Variants in RPGRIP1 observed in about 807,000 individuals in gnomAD.
RPGRIP1 encodes RPGR interacting protein 1.
A neutral mutation model predicts 157.9 loss-of-function variants in RPGRIP1; 128 were observed. The observed-to-expected ratio is 0.81, with a 90% CI of 0.70 to 0.94. The LOEUF is 0.94. RPGRIP1 is among the 40% of genes least tolerant of loss of function. The pLI is 0.00. For synonymous variants in RPGRIP1, 554 were observed against 571.6 expected (o/e 0.97, Z 0.44); for missense variants, 1,486 against 1,545.8 (o/e 0.96, Z 0.65).
intron 11 of RPGRIP1, among the ~76,000 whole-genome samples, chr14:21,319,738 G>A (rs995994229): frequency 6.6e-6 from 1 of 152,134 alleles, no homozygotes; most frequent in Non-Finnish European, 1.5e-5. Flanking sequence ...GATTACCCTA[G>A]TCAAGTGATT....
chr14:21,319,924 C>G, intron 11 of RPGRIP1, 93 bp from the exon 12 acceptor site: 1 of 1,175,728 alleles, frequency 8.5e-7, no homozygotes, highest in Non-Finnish European at 1.2e-6. Flanking sequence ...TTAATTAAAC[C>G]TTAGTGGGAA....
intron 15 of RPGRIP1, 51 bp from the exon 16 acceptor site, chr14:21,325,181 C>A: frequency 6.4e-7 from 1 of 1,554,328 alleles, no homozygotes; most frequent in Non-Finnish European, 8.7e-7. Flanking sequence ...TGTTCTTGAT[C>A]CTTGCCACAC....
At chr14:21,313,897 G>A (rs1415778163) in intron 10 of RPGRIP1, among the ~76,000 whole-genome samples, 5 of 151,084 alleles carry the variant, frequency 3.3e-5, no homozygotes, top group African/African-American at 1.2e-4. Context: ...AACCTTTGAT[G>A]AGATAAGAGG....
chr14:21,294,069 A>AAG (rs1555364764), intron 2 of RPGRIP1, among the ~76,000 whole-genome samples: 13 of 149,814 alleles, frequency 8.7e-5, no homozygotes, highest in East Asian at 5.8e-4. Context: ...AAAAAAAAAA[A>AAG]AAGAAGAAGA....
intron 23 of RPGRIP1, among the ~76,000 whole-genome samples, chr14:21,347,210 A>G (rs1196435880): frequency 6.6e-6 from 1 of 152,224 alleles, no homozygotes; most frequent in Non-Finnish European, 1.5e-5. Flanking sequence ...AGGCTTTGTA[A>G]TCAGACCAAC....
At chr14:21,349,362 G>A (rs535943983) in intron 24 of RPGRIP1, among the ~76,000 whole-genome samples, 9 of 147,486 alleles carry the variant, frequency 6.1e-5, no homozygotes, top group African/African-American at 1.3e-4. Flanking sequence ...AAACCACTGC[G>A]CCCGGCCTCC....
Position 21,290,399 on chromosome 14 carries a change from C to G in RPGRIP1, c.85+2338C>G, listed in dbSNP as rs116776074. 4.1e-3 allele frequency among the ~76,000 whole-genome samples: 630 copies of G among 152,256 alleles called. 3 individuals are homozygous for G. Among genetic ancestry groups the G allele is most frequent in the African/African-American group, 0.015 (612 of 41,554 alleles). On this transcript the variant is annotated intron_variant, in intron 2 of 24. Transcript: ENST00000400017. ...AAAAATATATTCTTTCTTGGCTGGG[C>G]AAAGTGGTTCACGCCTGTAATCCCA... is the stretch of plus-strand genomic sequence containing the variant.
chr14:21,289,723 C>G lies in RPGRIP1; in HGVS notation c.85+1662C>G, dbSNP rs1406615048. ...TGAGTATAAAATTGGCAGAAATTGC[C>G]TGGGCATAGTGGCTCACGCCTGTAA... is the stretch of plus-strand genomic sequence containing the variant. On this transcript the variant is annotated intron_variant, in intron 2 of 24. Coordinates refer to ENST00000400017, the MANE Select transcript of RPGRIP1 (RefSeq NM_020366.4). 5.3e-5 allele frequency among the ~76,000 whole-genome samples: 8 copies of G among 152,226 alleles called. No homozygotes were observed. In the East Asian group the frequency reaches 1.6e-3, roughly 30 times the overall value.
At chr14:21,307,345 T>A (rs1291434437) in intron 6 of RPGRIP1, among the ~76,000 whole-genome samples, 2 of 152,220 alleles carry the variant, frequency 1.3e-5, no homozygotes, top group Non-Finnish European at 2.9e-5. Flanking sequence ...TGAGCCACGG[T>A]GCCTGGTTCA....
At chr14:21,319,289 T>A (rs1368570138) in intron 11 of RPGRIP1, among the ~76,000 whole-genome samples, 1 of 152,114 alleles carries the variant, frequency 6.6e-6, no homozygotes, top group East Asian at 1.9e-4. Flanking sequence ...CAGCCTGGTG[T>A]GGTGGCTCAT....
At chr14:21,306,845 G>A (rs377665829) in intron 6 of RPGRIP1, among the ~76,000 whole-genome samples, 3 of 138,544 alleles carry the variant, frequency 2.2e-5, no homozygotes, top group Non-Finnish European at 1.6e-5. Flanking sequence ...GTGCAATCTC[G>A]GCTCACTGCA....
In RPGRIP1 at chr14:21,327,720, G is replaced by A; in HGVS notation, c.2808G>A (p.Leu936=). The part of the protein sequence containing the change: ...KFPYIPPESF[L]KPEAQTKGKD... ...CCTACATACCCCCTGAGAGCTTCCT[G>A]AAACCAGAAGCTCAGACTAAGGGGA... The change falls in exon 18 of 25, where the codon CTG becomes CTA. Residue 936 remains leucine (L), a synonymous_variant. Transcript: ENST00000400017. 2 of 1,613,928 alleles carry A rather than the reference G, an allele frequency of 1.2e-6. No individual in the cohort carries two copies. The highest frequency in any genetic ancestry group is 1.7e-6 in the Non-Finnish European group (2 of 1,179,858).
chr14:21,347,307 T>G (rs532071715), intron 23 of RPGRIP1, among the ~76,000 whole-genome samples: 1 of 152,368 alleles, frequency 6.6e-6, no homozygotes, highest in South Asian at 2.1e-4. Flanking sequence ...AGAATAAAAT[T>G]GAGCTAATAT....
chr14:21,317,143 A>G (rs1013454240), intron 10 of RPGRIP1, among the ~76,000 whole-genome samples: 1 of 152,104 alleles, frequency 6.6e-6, no homozygotes, highest in Non-Finnish European at 1.5e-5. Context: ...AAAAGAAAAA[A>G]AAAGGAACCA....
chr14:21,325,554 G>A (rs1882990311), intron 16 of RPGRIP1, among the ~76,000 whole-genome samples, 171 bp downstream of exon 16: 1 of 152,254 alleles, frequency 6.6e-6, no homozygotes, highest in Non-Finnish European at 1.5e-5. Flanking sequence ...AGTCTGAAAT[G>A]AAAGTATGCC....
intron 2 of RPGRIP1, among the ~76,000 whole-genome samples, chr14:21,290,157 C>T (rs1228798014): frequency 6.6e-6 from 1 of 152,004 alleles, no homozygotes; most frequent in Non-Finnish European, 1.5e-5. Context: ...ACACCTGGCC[C>T]CTGTTTTTAT....
At chr14:21,327,871 G>A in intron 18 of RPGRIP1, 64 bp downstream of exon 18, 1 of 1,319,374 alleles carries the variant, frequency 7.6e-7, no homozygotes, top group Non-Finnish European at 1.0e-6. Flanking sequence ...ATTTGAAGGA[G>A]ACAGTATTAT....
chr14:21,314,706 T>C, intron 10 of RPGRIP1, among the ~76,000 whole-genome samples: 1 of 125,948 alleles, frequency 7.9e-6, no homozygotes. Flanking sequence ...AGAGCAAAAC[T>C]CTGTCTCGAA....
chr14:21,330,539 G>A (rs962781244), intron 20 of RPGRIP1, among the ~76,000 whole-genome samples, 152 bp downstream of exon 20: 2 of 151,562 alleles, frequency 1.3e-5, no homozygotes, highest in Admixed American at 6.6e-5. Context: ...GGTGGCAGGC[G>A]CCTGTAATCC....
Sources: gnomAD v4.1 joint callset for allele counts (sites outside exome capture counted in the v4.1 genomes callset) on GRCh38, gnomAD v4.1.1 for gene constraint, MANE v1.5 for transcripts, NCBI Gene and HGNC (gene_info 2026-07-23, HGNC 2026-07-21) for gene names.